The following CST8 variants were observed in gnomAD, a reference collection of about 807,000 sequenced individuals.
CST8 encodes the protein cystatin-8.
Under a neutral mutation model 11.8 loss-of-function variants are expected in CST8, and 20 were observed. The observed-to-expected ratio is 1.70, with a 90% CI of 1.20 to 2.47. CST8 has a LOEUF of 2.47. Among genes scored for constraint, CST8 ranks in the 30% most tolerant of loss-of-function variants. The pLI, the probability that CST8 is intolerant of heterozygous loss-of-function variation, is 0.00. For missense variants in CST8, 196 were observed against 167.2 expected (o/e 1.17, Z -0.95); for synonymous variants, 77 against 63.1 (o/e 1.22, Z -1.05).
At chr20:23,492,627 C>T (rs536669739) in intron 2 of CST8, among the ~76,000 whole-genome samples, 7 of 152,330 alleles carry the variant, frequency 4.6e-5, no homozygotes, top group African/African-American at 1.7e-4. Flanking sequence ...AAGAGCCCAC[C>T]TTTCACCTCT....
At chr20:23,497,587 G>C (rs80101267), downstream of CST8, among the ~76,000 whole-genome samples, 978 of 152,324 alleles carry the variant, frequency 6.4e-3, 13 homozygotes, top group African/African-American at 0.021. Context: ...CTGATACTGG[G>C]TAATTTACAA....
At chr20:23,498,031 G>A (rs940986974), downstream of CST8, among the ~76,000 whole-genome samples, 9 of 151,990 alleles carry the variant, frequency 5.9e-5, no homozygotes, top group Admixed American at 2.6e-4. Flanking sequence ...ATGTGTGTGT[G>A]TAGAGAGAGA....
the CST8 span, among the ~76,000 whole-genome samples, chr20:23,505,926 T>C: frequency 1.3e-5 from 2 of 152,196 alleles, no homozygotes; most frequent in South Asian, 4.1e-4. Flanking sequence ...CACCTAATTC[T>C]GTACATTAAC....
In CST8 at chr20:23,491,749, G is replaced by A. The variant is rs761292726; in HGVS notation, c.82G>A (p.Glu28Lys). Residue 28 changes from glutamate to lysine, a missense_variant, in exon 2 of 4, where the codon GAG becomes AAG. By Grantham distance (56) the Glu-to-Lys change is moderately conservative (BLOSUM62 1). Transcript: ENST00000246012. ...GGCCAGGAAAGACCCAAAAAAGAAT[G>A]AGACAGGGGTGCTGAGGAAATTAAA... is the stretch of plus-strand genomic sequence containing the variant. The part of the protein sequence containing the change: ...LVARKDPKKN[E>K]TGVLRKLKPV... The A allele has an allele frequency of 1.2e-6, 2 of 1,614,088 alleles. No individual in the cohort carries two copies. The highest frequency in any genetic ancestry group is 1.7e-6 in the Non-Finnish European group (2 of 1,179,996).
At chr20:23,494,606 C>T (rs531646402) in intron 3 of CST8, among the ~76,000 whole-genome samples, 9 of 152,230 alleles carry the variant, frequency 5.9e-5, no homozygotes, top group East Asian at 1.9e-4. Flanking sequence ...ATGGCCCTTG[C>T]GGTTTGTCCA....
chr20:23,500,510 G>A (rs1988157906), downstream of CST8, among the ~76,000 whole-genome samples: 1 of 152,166 alleles, frequency 6.6e-6, no homozygotes, highest in South Asian at 2.1e-4. Context: ...GGGGCCTGGT[G>A]GAATGGGAGG....
chr20:23,493,402 C>T (rs6114151), intron 3 of CST8, among the ~76,000 whole-genome samples: 4,187 of 152,270 alleles, frequency 0.027, 92 homozygotes, highest in African/African-American at 0.056. Flanking sequence ...GACAAGCCAC[C>T]CACTATTGCT....
At chr20:23,495,779 T>TC (rs1427849860) in intron 3 of CST8, 52 bp from the exon 4 acceptor site, 4 of 880,532 alleles carry the variant, frequency 4.5e-6, no homozygotes, top group African/African-American at 3.4e-5. Context: ...TCTTTTCTTT[T>TC]TTTTTTTTTT....
chr20:23,502,174 A>G, the CST8 span, among the ~76,000 whole-genome samples: 1 of 152,224 alleles, frequency 6.6e-6, no homozygotes, highest in African/African-American at 2.4e-5. Context: ...TGGTGTAGCC[A>G]CAGAAGCCAC....
At position 23,491,667 on chromosome 20, in the gene CST8, C is replaced by T. The variant is rs543861516; in HGVS notation, c.-1C>T. The T allele has an allele frequency of 1.2e-6, 2 of 1,612,930 alleles. No individual in the cohort carries two copies. Among genetic ancestry groups the T allele is most frequent in the South Asian group, 1.1e-5 (1 of 91,040 alleles). ...CGACTTTGCCTCTTGCCCAAGGGAC[C>T]ATGCCCAGGTGCCGGTGGCTCTCCC... On this transcript the variant is annotated 5_prime_UTR_variant, in exon 2 of 4. Transcript: ENST00000246012.
At chr20:23,504,523 C>T in the CST8 span, among the ~76,000 whole-genome samples, 1 of 151,998 alleles carries the variant, frequency 6.6e-6, no homozygotes, top group Non-Finnish European at 1.5e-5. Flanking sequence ...TTCTTTAGGT[C>T]GCCAAAGAGG....
chr20:23,502,664 G>C, the CST8 span, among the ~76,000 whole-genome samples: 4 of 152,072 alleles, frequency 2.6e-5, no homozygotes, highest in Non-Finnish European at 5.9e-5. Flanking sequence ...TGTAACTTCC[G>C]AGCAAGTGTG....
At chr20:23,497,214 G>A (rs1318750826), downstream of CST8, among the ~76,000 whole-genome samples, 1 of 152,200 alleles carries the variant, frequency 6.6e-6, no homozygotes, top group Non-Finnish European at 1.5e-5. Flanking sequence ...TATTAATTTG[G>A]GGAACTAATA....
rs778704899 is a variant in CST8 at position 23,491,698 on chromosome 20, C to G, written c.31C>G (p.Leu11Val). 3.7e-6 allele frequency: 6 copies of G among 1,613,866 alleles called. No homozygotes were observed. The East Asian group carries it at 8.9e-5, about 24-fold the overall frequency. ...CAGGTGCCGGTGGCTCTCCCTGATC[C>G]TCCTCACCATTCCCCTGGCCCTGGT... is the stretch of plus-strand genomic sequence containing the variant. MPRCRWLSLILLTIPLALVAR... is the reference protein window; with the variant it reads MPRCRWLSLIVLTIPLALVAR... Residue 11 changes from leucine to valine, a missense_variant, in exon 2 of 4, where the codon CTC (leucine) becomes GTC (valine). By Grantham distance (32) the Leu-to-Val change is conservative. Coordinates refer to ENST00000246012, the MANE Select transcript of CST8 (RefSeq NM_005492.4).
At chr20:23,493,548 A>G (rs142498497) in intron 3 of CST8, among the ~76,000 whole-genome samples, 67 of 152,274 alleles carry the variant, frequency 4.4e-4, no homozygotes, top group African/African-American at 1.6e-3. Flanking sequence ...AGATTAAGCA[A>G]TGACTAAGCC....
chr20:23,506,777 C>T, the CST8 span, among the ~76,000 whole-genome samples: 1 of 152,224 alleles, frequency 6.6e-6, no homozygotes, highest in South Asian at 2.1e-4. Context: ...TCTTTTAGTG[C>T]CATCAACACA....
chr20:23,492,260 C>T (rs1485004775), intron 2 of CST8, among the ~76,000 whole-genome samples: 2 of 152,250 alleles, frequency 1.3e-5, no homozygotes, highest in African/African-American at 4.8e-5. Context: ...ACTCCTTCAT[C>T]TCCTGCTGTA....
downstream of CST8, among the ~76,000 whole-genome samples, chr20:23,499,602 G>A (rs75660980): frequency 6.4e-3 from 976 of 152,322 alleles, 10 homozygotes; most frequent in African/African-American, 0.022. Context: ...GAGCTGGAGG[G>A]GAAGGGGCAG....
At chr20:23,504,089 G>A in the CST8 span, among the ~76,000 whole-genome samples, 3 of 152,224 alleles carry the variant, frequency 2.0e-5, no homozygotes, top group Non-Finnish European at 4.4e-5. Flanking sequence ...TGAGGAATGT[G>A]AGTCCCCTTT....
Sources: allele counts gnomAD v4.1 joint callset (sites outside exome capture counted in the v4.1 genomes callset), GRCh38; gene constraint gnomAD v4.1.1; transcripts MANE v1.5; gene names NCBI Gene and HGNC (gene_info 2026-07-23, HGNC 2026-07-21).